LSAMP: variants seen among roughly 807,000 people sequenced by gnomAD.
LSAMP encodes the protein limbic system associated membrane protein.
A neutral mutation model predicts 38.6 loss-of-function variants in LSAMP; 7 were observed. That is an observed-to-expected ratio of 0.18 (90% CI 0.10 to 0.34). LSAMP has a LOEUF of 0.34. LSAMP is among the 10% of genes least tolerant of loss of function. The probability of loss-of-function intolerance (pLI) is 1.00; values close to 1 mark genes in which losing one functional copy is unlikely to be tolerated. For missense variants in LSAMP, 313 were observed against 420.0 expected (o/e 0.75, Z 2.23); for synonymous variants, 154 against 166.8 (o/e 0.92, Z 0.59).
At chr3:116,049,943 A>G (rs1941361348) in intron 2 of LSAMP, among the ~76,000 whole-genome samples, 1 of 152,166 alleles carries the variant, frequency 6.6e-6, no homozygotes. Flanking sequence ...AAGGTTACAC[A>G]AATCCTGGGA....
At chr3:115,973,495 G>A (rs1939082559) in intron 3 of LSAMP, among the ~76,000 whole-genome samples, 1 of 152,196 alleles carries the variant, frequency 6.6e-6, no homozygotes, top group African/African-American at 2.4e-5. Context: ...CACTTTGGGA[G>A]GCTGAGGCGG....
At chr3:116,014,945 G>C (rs931601205) in intron 3 of LSAMP, among the ~76,000 whole-genome samples, 1 of 152,060 alleles carries the variant, frequency 6.6e-6, no homozygotes, top group Admixed American at 6.6e-5. Flanking sequence ...GAATTAAAAA[G>C]TACCATCAGT....
chr3:115,844,879 C>T (rs56144337), intron 4 of LSAMP, among the ~76,000 whole-genome samples: 24,250 of 151,962 alleles, frequency 0.16, 2,395 homozygotes, highest in Non-Finnish European at 0.23. Context: ...CGGGAACCTG[C>T]GGCACAAGAA....
rs530181770 is a variant in LSAMP at position 116,167,042 on chromosome 3, T to C, written c.156-80486A>G. On this transcript the variant is annotated intron_variant, in intron 1 of 6. Transcript: ENST00000490035. ...TCCTGACCTCGTGATCCGCCCGCCT[T>C]GGCCTCCCAAAGTGCTGGGATTACA... Among the ~76,000 whole-genome samples, 1,261 of 152,164 alleles carry C rather than the reference T, an allele frequency of 8.3e-3. 23 individuals are homozygous for C. The highest frequency in any genetic ancestry group is 0.028 in the African/African-American group (1,178 of 41,540).
At chr3:116,433,565 G>A (rs2049309407) in intron 1 of LSAMP, among the ~76,000 whole-genome samples, 1 of 152,134 alleles carries the variant, frequency 6.6e-6, no homozygotes, top group Admixed American at 6.5e-5. Flanking sequence ...GCTCTAAGAT[G>A]CAATGCCCAG....
chr3:115,868,606 G>C (rs892602342), intron 3 of LSAMP, among the ~76,000 whole-genome samples: 2 of 151,996 alleles, frequency 1.3e-5, no homozygotes, highest in African/African-American at 4.8e-5. Flanking sequence ...TTTCACTAAA[G>C]AGTTGAAGAT....
At chr3:116,410,087 C>A (rs1462467431) in intron 1 of LSAMP, among the ~76,000 whole-genome samples, 2 of 152,062 alleles carry the variant, frequency 1.3e-5, no homozygotes, top group African/African-American at 2.4e-5. Flanking sequence ...CCCATCCTTT[C>A]TGAGTTTTCA....
At chr3:116,040,325 C>T (rs922013028) in intron 2 of LSAMP, among the ~76,000 whole-genome samples, 1 of 152,200 alleles carries the variant, frequency 6.6e-6, no homozygotes, top group Non-Finnish European at 1.5e-5. Context: ...TGAGAGCAAT[C>T]TGTCTTCGCT....
chr3:115,866,091 T>C (rs1037942261), intron 3 of LSAMP, among the ~76,000 whole-genome samples: 1 of 152,152 alleles, frequency 6.6e-6, no homozygotes, highest in African/African-American at 2.4e-5. Context: ...GGAAGTGAAG[T>C]TTAGAAAAGT....
intron 1 of LSAMP, among the ~76,000 whole-genome samples, chr3:116,213,299 T>C (rs763350083): frequency 6.6e-6 from 1 of 152,220 alleles, no homozygotes; most frequent in Non-Finnish European, 1.5e-5. Flanking sequence ...AGCTCTTTCC[T>C]GTGCTGGTCT....
At position 116,086,243 on chromosome 3, in the gene LSAMP, G is replaced by C. The variant is rs550947995; in HGVS notation, c.388+81C>G. 20 of 1,076,852 alleles carry C rather than the reference G, an allele frequency of 1.9e-5. No homozygotes were observed. The East Asian group carries it at 5.0e-4, about 27-fold the overall frequency. 66.7% of individuals were successfully genotyped at this position (1,076,852 alleles called of 1,614,324 possible). ...TTTGGGAATATTTCTTTTCAGGAAG[G>C]ATTCTGCAAATATTTTGTACATTAT... On this transcript the variant is annotated intron_variant, in intron 2 of 6. Coordinates refer to ENST00000490035, the MANE Select transcript of LSAMP (RefSeq NM_002338.5).
At chr3:115,898,430 TTTTTC>T (rs1936784106) in intron 3 of LSAMP, among the ~76,000 whole-genome samples, 2 of 151,932 alleles carry the variant, frequency 1.3e-5, no homozygotes, top group Admixed American at 1.3e-4. Flanking sequence ...CACCTACAGA[TTTTTC>T]TTTTTGTTTT....
chr3:116,236,509 G>C (rs1055835554), intron 1 of LSAMP, among the ~76,000 whole-genome samples: 1 of 151,812 alleles, frequency 6.6e-6, no homozygotes. Context: ...CTCACTATTG[G>C]TGCCCACTTT....
At chr3:115,832,338 G>A (rs575609995) in intron 6 of LSAMP, among the ~76,000 whole-genome samples, 179 of 152,108 alleles carry the variant, frequency 1.2e-3, no homozygotes, top group African/African-American at 3.9e-3. Context: ...GCCATTTTAC[G>A]TCAACCAATC....
chr3:115,866,713 CAT>C (rs1172105426), intron 3 of LSAMP, among the ~76,000 whole-genome samples: 1 of 152,058 alleles, frequency 6.6e-6, no homozygotes, highest in African/African-American at 2.4e-5. Context: ...ATTCAAATGA[CAT>C]GTGGCCAACC....
rs577857974 is a variant in LSAMP, at chr3:116,018,144, A to C, written c.514+1371T>G. Among the ~76,000 whole-genome samples the C allele has an allele frequency of 9.5e-4, 144 of 152,302 alleles. 1 individual carries two copies. In the South Asian group the frequency reaches 0.014, roughly 14 times the overall value. ...TCTCCCAAATAAGTGTCTCATGTAT[A>C]TATTATCAATAAATGAGAAATTGCC... On this transcript the variant is annotated intron_variant, in intron 3 of 6. Coordinates refer to ENST00000490035, the MANE Select transcript of LSAMP (RefSeq NM_002338.5).
chr3:116,258,902 A>G (rs187296505), intron 1 of LSAMP, among the ~76,000 whole-genome samples: 65 of 152,274 alleles, frequency 4.3e-4, no homozygotes, highest in Admixed American at 2.0e-3. Flanking sequence ...TACGTGTAAC[A>G]CTTGAAAACT....
chr3:116,351,398 G>T (rs908385808), intron 1 of LSAMP, among the ~76,000 whole-genome samples: 4 of 152,010 alleles, frequency 2.6e-5, no homozygotes, highest in Admixed American at 2.6e-4. Context: ...TCTGAGTAAC[G>T]GAGAAGTAGC....
chr3:115,859,931 G>A (rs1476876676), intron 3 of LSAMP, among the ~76,000 whole-genome samples: 1 of 152,078 alleles, frequency 6.6e-6, no homozygotes, highest in Non-Finnish European at 1.5e-5. Flanking sequence ...AAACTGCCCT[G>A]CCCTTCTAAA....
Sources: gnomAD v4.1 joint callset for allele counts (sites outside exome capture counted in the v4.1 genomes callset) on GRCh38, gnomAD v4.1.1 for gene constraint, MANE v1.5 for transcripts, NCBI Gene and HGNC (gene_info 2026-07-23, HGNC 2026-07-21) for gene names.